Variants in CFAP299 observed in about 807,000 individuals in gnomAD.
The protein encoded by CFAP299 is cilia- and flagella-associated protein 299.
A neutral mutation model predicts 27.0 loss-of-function variants in CFAP299; 21 were observed. The observed-to-expected ratio is 0.78, with a 90% CI of 0.55 to 1.12. The LOEUF is 1.12. Among genes scored for constraint, CFAP299 ranks in the 50% most tolerant of loss-of-function variants. CFAP299 has a pLI of 0.00. For missense variants in CFAP299, 310 were observed against 276.6 expected (o/e 1.12, Z -0.86); for synonymous variants, 104 against 98.1 (o/e 1.06, Z -0.36).
In CFAP299 at chr4:80,378,207, A is replaced by G. The variant is rs905495864; in HGVS notation, c.242+15323A>G. The stretch of plus-strand genomic sequence containing the variant: ...ATTTTTTAATGCTCTTGTAACTAGA[A>G]TTTTTAAAAGTCACTTTCTAATTGA... On this transcript the variant is annotated intron_variant, in intron 2 of 5. Transcript: ENST00000358105. Among the ~76,000 whole-genome samples the G allele has an allele frequency of 9.2e-5, 14 of 152,288 alleles. 1 individual carries two copies. Among genetic ancestry groups the G allele is most frequent in the Admixed American group, 9.1e-4 (14 of 15,304 alleles).
At chr4:80,900,306 CTT>C (rs1021681088) in intron 4 of CFAP299, among the ~76,000 whole-genome samples, 1 of 152,050 alleles carries the variant, frequency 6.6e-6, no homozygotes, top group African/African-American at 2.4e-5. Context: ...TAAATCAACT[CTT>C]TTATGTTTCT....
intron 3 of CFAP299, among the ~76,000 whole-genome samples, chr4:80,733,973 A>G (rs765964170): frequency 3.3e-5 from 5 of 152,106 alleles, no homozygotes; most frequent in Admixed American, 6.6e-5. Context: ...TTTCTTTTGG[A>G]TATATACCAA....
chr4:80,487,065 A>G (rs1026026172), intron 2 of CFAP299, among the ~76,000 whole-genome samples: 1 of 152,328 alleles, frequency 6.6e-6, no homozygotes, highest in Non-Finnish European at 1.5e-5. Flanking sequence ...AGTTAGAATC[A>G]AGGCCTATAT....
At chr4:80,470,466 G>A (rs1298366199) in intron 2 of CFAP299, among the ~76,000 whole-genome samples, 1 of 56,928 alleles carries the variant, frequency 1.8e-5, no homozygotes, top group East Asian at 5.0e-4. Context: ...ATCATTTTAT[G>A]TATTACCTTA....
chr4:80,547,973 C>T (rs1734323468), intron 2 of CFAP299, among the ~76,000 whole-genome samples: 1 of 152,110 alleles, frequency 6.6e-6, no homozygotes, highest in Admixed American at 6.6e-5. Flanking sequence ...TTAGTGATTT[C>T]ACCAAGAACT....
chr4:80,503,439 G>T (rs1731837280), intron 2 of CFAP299, among the ~76,000 whole-genome samples: 1 of 152,020 alleles, frequency 6.6e-6, no homozygotes, highest in Admixed American at 6.6e-5. Flanking sequence ...CCCACATACT[G>T]AATTTTCATA....
At chr4:80,848,148 C>T (rs1731285570) in intron 3 of CFAP299, among the ~76,000 whole-genome samples, 1 of 151,726 alleles carries the variant, frequency 6.6e-6, no homozygotes, top group South Asian at 2.1e-4. Flanking sequence ...GAGGTCGAGG[C>T]TGCAGTGAGC....
At chr4:80,897,626 A>G (rs1734670475) in intron 4 of CFAP299, among the ~76,000 whole-genome samples, 1 of 152,198 alleles carries the variant, frequency 6.6e-6, no homozygotes, top group African/African-American at 2.4e-5. Flanking sequence ...AGAAAACTGC[A>G]TAACCACGAA....
intron 2 of CFAP299, among the ~76,000 whole-genome samples, chr4:80,565,929 G>A (rs765174793): frequency 6.6e-6 from 1 of 152,086 alleles, no homozygotes; most frequent in Non-Finnish European, 1.5e-5. Flanking sequence ...CATACAGGGA[G>A]TGTTAACTGA....
At position 80,362,762 on chromosome 4, in the gene CFAP299, C is replaced by A; in HGVS notation, c.120C>A (p.Thr40=). The part of the protein sequence containing the change: ...TVDLYYLEDE[T]LARQLVELGY... ...ACTGATTTTCTCTCTAGGATGAAAC[C>A]CTGGCCCGCCAGTTGGTGGAGCTAG... Residue 40 remains threonine (T), a synonymous_variant, in exon 2 of 6, where the codon ACC becomes ACA. Transcript: ENST00000358105. 1.9e-6 allele frequency: 3 copies of A among 1,603,252 alleles called. No individual in the cohort carries two copies. The highest frequency in any genetic ancestry group is 2.5e-6 in the Non-Finnish European group (3 of 1,177,020).
intron 4 of CFAP299, among the ~76,000 whole-genome samples, chr4:80,886,287 T>C (rs1733968455): frequency 6.6e-6 from 1 of 152,228 alleles, no homozygotes; most frequent in Non-Finnish European, 1.5e-5. Context: ...ACTCTTTACT[T>C]TCAAGTGAAG....
At chr4:80,624,631 A>G (rs1266921252) in intron 3 of CFAP299, among the ~76,000 whole-genome samples, 1 of 152,036 alleles carries the variant, frequency 6.6e-6, no homozygotes, top group Non-Finnish European at 1.5e-5. Context: ...AGGTACAACA[A>G]GGTCAAATAT....
intron 4 of CFAP299, among the ~76,000 whole-genome samples, chr4:80,932,166 GTAA>G (rs1233875274): frequency 6.6e-6 from 1 of 152,100 alleles, no homozygotes; most frequent in Non-Finnish European, 1.5e-5. Context: ...CTGTAAAATA[GTAA>G]TAATAATACA....
At position 80,709,820 on chromosome 4, in the gene CFAP299, T is replaced by C. The variant is rs555967356; in HGVS notation, c.333+126637T>C. Among the ~76,000 whole-genome samples, 26 of 152,218 alleles carry C rather than the reference T, an allele frequency of 1.7e-4. No individual in the cohort carries two copies. The East Asian group carries it at 5.0e-3, about 29-fold the overall frequency. On this transcript the variant is annotated intron_variant, in intron 3 of 5. Coordinates refer to ENST00000358105, the MANE Select transcript of CFAP299 (RefSeq NM_152770.3). ...AGCATATCTGAGGAAAGAAGTGAGG[T>C]GGTAAGGGCATTTCAGCCAATGAAT...
chr4:80,924,308 C>T (rs1159036904), intron 4 of CFAP299, among the ~76,000 whole-genome samples: 1 of 151,636 alleles, frequency 6.6e-6, no homozygotes, highest in Non-Finnish European at 1.5e-5. Context: ...ATTGATCTTA[C>T]AGTTCAAAAA....
chr4:80,518,427 A>C (rs941521980), intron 2 of CFAP299, among the ~76,000 whole-genome samples: 53 of 152,160 alleles, frequency 3.5e-4, no homozygotes, highest in African/African-American at 1.3e-3. Context: ...CATAAACAGA[A>C]TATGAGAAAG....
intron 3 of CFAP299, among the ~76,000 whole-genome samples, chr4:80,755,204 G>A (rs1725165506): frequency 6.6e-6 from 1 of 152,038 alleles, no homozygotes; most frequent in East Asian, 1.9e-4. Context: ...GAATGGAACA[G>A]TATTTGGCCT....
At chr4:80,530,619 T>C (rs1021626263) in intron 2 of CFAP299, among the ~76,000 whole-genome samples, 1 of 152,126 alleles carries the variant, frequency 6.6e-6, no homozygotes, top group Non-Finnish European at 1.5e-5. Flanking sequence ...GGTTACTCTG[T>C]AGAGGGGAAG....
chr4:80,866,059 T>A (rs1393849741), intron 3 of CFAP299, among the ~76,000 whole-genome samples: 2 of 58,374 alleles, frequency 3.4e-5, no homozygotes, highest in Non-Finnish European at 4.5e-5. Context: ...ACTTAAAGTA[T>A]TATATATATA....
Sources: allele counts gnomAD v4.1 joint callset (sites outside exome capture counted in the v4.1 genomes callset), GRCh38; gene constraint gnomAD v4.1.1; transcripts MANE v1.5; gene names NCBI Gene and HGNC (gene_info 2026-07-23, HGNC 2026-07-21).